Variants in UPF1 observed in about 807,000 individuals in gnomAD.
The protein encoded by UPF1 is UPF1 RNA helicase and ATPase.
In UPF1, 9 loss-of-function variants were observed where a neutral mutation model predicts 129.2. The observed-to-expected ratio is 0.07, with a 90% CI of 0.04 to 0.12. UPF1 has a LOEUF of 0.12. Among genes scored for constraint, UPF1 ranks in the 10% least tolerant of loss-of-function variants. The pLI is 1.00. For missense variants in UPF1, 788 were observed against 1,525.3 expected (o/e 0.52, Z 8.05); for synonymous variants, 649 against 644.9 (o/e 1.01, Z -0.10).
chr19:18,835,452 C>T (rs2055473912), intron 1 of UPF1, among the ~76,000 whole-genome samples: 1 of 151,952 alleles, frequency 6.6e-6, no homozygotes, highest in Non-Finnish European at 1.5e-5. Flanking sequence ...AGCGATTCTC[C>T]TGCCTCAGCC....
At position 18,861,973 on chromosome 19, in the gene UPF1, C is replaced by T. The variant is rs774381761; in HGVS notation, c.2458-37C>T. 6 of 1,608,536 alleles carry T rather than the reference C, an allele frequency of 3.7e-6. No individual in the cohort carries two copies. The East Asian group carries it at 1.1e-4, about 30-fold the overall frequency. ...CATTTTGGGGGGACTGGGAAGGCAG[C>T]CTGCTGGCTGATAGTGACCACAAAG... On this transcript the variant is annotated intron_variant, in intron 17 of 23. Transcript: ENST00000262803.
intron 15 of UPF1, 197 bp from the exon 16 acceptor site, chr19:18,860,124 T>G: frequency 6.8e-5 from 39 of 575,766 alleles, no homozygotes; most frequent in Admixed American, 1.7e-4. Flanking sequence ...CTCGGTGGCC[T>G]CTCCTCAGCC....
In UPF1 at chr19:18,850,772, C is replaced by A; in HGVS notation, c.714C>A (p.Phe238Leu). The A allele has an allele frequency of 6.2e-7, 1 of 1,611,718 alleles. No homozygotes were observed. The highest frequency in any genetic ancestry group is 8.5e-7 in the Non-Finnish European group (1 of 1,179,368). The change falls in exon 5 of 24, where the codon TTC becomes TTA. Residue 238 changes from phenylalanine (F) to leucine (L), a missense_variant. Physicochemically the swap from Phe to Leu is conservative, Grantham distance 22. Transcript: ENST00000262803. This position sits in a 1 kb window ranked among gnomAD's most constrained non-coding sequence, Gnocchi z 7.1. ...AGCCGCTGATCCAGGACCGCTGCTT[C>A]CTGTCCTGGCTGGTCAAGATCCCCT... ...QWQPLIQDRC[F>L]LSWLVKIPSE...
At chr19:18,843,430 C>T (rs1462782918) in intron 1 of UPF1, among the ~76,000 whole-genome samples, 1 of 151,852 alleles carries the variant, frequency 6.6e-6, no homozygotes, top group East Asian at 1.9e-4. Context: ...TGTCTGCGGC[C>T]TGAGAGTTTA....
At chr19:18,852,105 C>A (rs752229790) in intron 5 of UPF1, 30 bp from the exon 6 acceptor site, 3 of 1,571,772 alleles carry the variant, frequency 1.9e-6, no homozygotes, top group African/African-American at 1.4e-5. Context: ...AAAAACAGGA[C>A]GAGTGTGGCG....
chr19:18,860,989 T>G lies in UPF1; in HGVS notation c.2457+7T>G, dbSNP rs1413764258. On this transcript the variant is annotated splice_region_variant and intron_variant, in intron 17 of 23. Transcript: ENST00000262803. The stretch of plus-strand genomic sequence containing the variant: ...GCACACCAAGCTCTACCAGGTGCGC[T>G]GCGCCCTCGGGCACACTTGGTCTCC... 1 of 1,569,118 alleles carries G rather than the reference T, an allele frequency of 6.4e-7. No individual in the cohort carries two copies.
intron 3 of UPF1, 34 bp downstream of exon 3, chr19:18,847,867 AGT>A: frequency 3.2e-6 from 5 of 1,587,234 alleles, no homozygotes; most frequent in Non-Finnish European, 4.3e-6. Flanking sequence ...GTGTTTAATC[AGT>A]GCTGTGCTCA....
At chr19:18,833,048 C>T (rs1160458831) in intron 1 of UPF1, 1 of 152,338 alleles carries the variant, frequency 6.6e-6, no homozygotes, top group Non-Finnish European at 1.5e-5. Context: ...AATCCTGTCT[C>T]TGGCCTGGTC....
chr19:18,864,059 A>G, intron 19 of UPF1, 111 bp from the exon 20 acceptor site: 3 of 918,332 alleles, frequency 3.3e-6, no homozygotes, highest in East Asian at 2.4e-5. Flanking sequence ...CCCCTGGCAC[A>G]GTGTCAACAC....
At chr19:18,866,281 C>A in intron 23 of UPF1, 115 bp downstream of exon 23, 1 of 1,406,354 alleles carries the variant, frequency 7.1e-7, no homozygotes. Flanking sequence ...TGTGCTGTGC[C>A]TGGTGGGGGT....
intron 1 of UPF1, among the ~76,000 whole-genome samples, chr19:18,840,207 C>T (rs1056506222): frequency 4.6e-5 from 7 of 152,054 alleles, no homozygotes; most frequent in South Asian, 2.1e-4. Flanking sequence ...CGGAGGACAC[C>T]GGGATCAGGG....
intron 1 of UPF1, among the ~76,000 whole-genome samples, chr19:18,837,349 C>G (rs114957289): frequency 0.011 from 1,677 of 152,260 alleles, 36 homozygotes; most frequent in African/African-American, 0.039. Context: ...TCAGGCCTCC[C>G]AAGTGTTGGA....
At chr19:18,857,120 A>T in intron 14 of UPF1, 100 bp downstream of exon 14, 1 of 1,537,592 alleles carries the variant, frequency 6.5e-7, no homozygotes, top group South Asian at 1.3e-5. Context: ...TGCCCAGCAG[A>T]GTGTGCGCAC....
intron 1 of UPF1, among the ~76,000 whole-genome samples, chr19:18,840,290 G>A (rs770407236): frequency 2.0e-4 from 31 of 152,152 alleles, no homozygotes; most frequent in Admixed American, 3.9e-4. Context: ...CCAGGGTACC[G>A]GCTGCCCCCT....
At chr19:18,859,700 C>T (rs1447215038) in intron 15 of UPF1, 1 of 152,362 alleles carries the variant, frequency 6.6e-6, no homozygotes, top group Admixed American at 6.5e-5. Flanking sequence ...GAGGAGGGCA[C>T]CTGTGAATTG....
chr19:18,857,664 C>T, intron 15 of UPF1, 131 bp downstream of exon 15: 1 of 1,055,576 alleles, frequency 9.5e-7, no homozygotes. Flanking sequence ...GAGGTCAGGG[C>T]ACTTTGTGCC....
chr19:18,832,013 G>C lies in UPF1; in HGVS notation c.-197G>C. The C allele has an allele frequency of 2.7e-6, 1 of 364,776 alleles. No individual in the cohort carries two copies. The highest frequency in any genetic ancestry group is 4.7e-6 in the Non-Finnish European group (1 of 213,966). The allele number at this position is 364,776 out of a possible 1,614,324, so 22.6% of individuals were successfully genotyped here. On this transcript the variant is annotated 5_prime_UTR_variant, in exon 1 of 24. Coordinates refer to ENST00000262803, the MANE Select transcript of UPF1 (RefSeq NM_002911.4). This position sits in a 1 kb window ranked among gnomAD's most constrained non-coding sequence, Gnocchi z 5.6. Reference sequence around the variant, plus strand: ...CGGCTTCGAGGGGAGCTGAGGCGCGGAGGGGCTCGGCGGCAGCGGCGGCGG... The same window carrying C: ...CGGCTTCGAGGGGAGCTGAGGCGCGCAGGGGCTCGGCGGCAGCGGCGGCGG...
intron 6 of UPF1, 120 bp from the exon 7 acceptor site, chr19:18,852,867 C>G: frequency 1.3e-6 from 1 of 792,696 alleles, no homozygotes; most frequent in Non-Finnish European, 2.1e-6. Context: ...CCACTCACGG[C>G]GCCTGCTCTC....
In UPF1 at chr19:18,866,277, G is replaced by T. The variant is rs2055843091; in HGVS notation, c.*3+111G>T. On this transcript the variant is annotated intron_variant, in intron 23 of 23. Coordinates refer to ENST00000262803, the MANE Select transcript of UPF1 (RefSeq NM_002911.4). ...GGGGTGGTATCTGGAAATGTGTGCT[G>T]TGCCTGGTGGGGGTCATAGGCCCTC... 5 of 1,414,136 alleles carry T rather than the reference G, an allele frequency of 3.5e-6. No homozygotes were observed. The Admixed American group carries it at 1.2e-4, about 34-fold the overall frequency. The allele number at this position is 1,414,136 out of a possible 1,614,324, so 87.6% of individuals were successfully genotyped here.
Sources: gnomAD v4.1 joint callset for allele counts (sites outside exome capture counted in the v4.1 genomes callset) on GRCh38, gnomAD v4.1.1 for gene constraint, Gnocchi (gnomAD v3.1) non-coding constraint, MANE v1.5 for transcripts, NCBI Gene and HGNC (gene_info 2026-07-23, HGNC 2026-07-21) for gene names.